MBTPS1: variants seen among roughly 807,000 people sequenced by gnomAD.
The protein encoded by MBTPS1 is membrane-bound transcription factor site-1 protease.
A neutral mutation model predicts 127.8 loss-of-function variants in MBTPS1; 94 were observed. That is an observed-to-expected ratio of 0.74 (90% CI 0.62 to 0.87). MBTPS1 has a LOEUF of 0.87. MBTPS1 is among the 40% of genes least tolerant of loss of function. MBTPS1 has a pLI of 0.00. For synonymous variants in MBTPS1, 632 were observed against 509.4 expected (o/e 1.24, Z -3.24); for missense variants, 1,636 against 1,353.2 (o/e 1.21, Z -3.28).
chr16:84,097,837 C>CGTGTGTGTGT (rs71382894), intron 3 of MBTPS1, among the ~76,000 whole-genome samples: 2,032 of 143,084 alleles, frequency 0.014, 33 homozygotes, highest in African/African-American at 0.047. Flanking sequence ...AACTTCTCTT[C>CGTGTGTGTGT]GTGTGTGTGT....
Position 84,093,313 on chromosome 16 carries a change from A to T in MBTPS1, c.737-16T>A. On this transcript the variant is annotated splice_polypyrimidine_tract_variant and intron_variant, in intron 5 of 22. Transcript: ENST00000343411. ...TGGCCCAACCCTGCAGTCCATAAAG[A>T]AAACAATCCCATAAAACACACTGAA... is the stretch of plus-strand genomic sequence containing the variant. The T allele has an allele frequency of 6.5e-7, 1 of 1,539,624 alleles. No individual in the cohort carries two copies. Among genetic ancestry groups the T allele is most frequent in the Non-Finnish European group, 9.0e-7 (1 of 1,111,978 alleles).
chr16:84,085,577 C>CA (rs909051455), intron 9 of MBTPS1, among the ~76,000 whole-genome samples: 4 of 99,786 alleles, frequency 4.0e-5, no homozygotes, highest in Non-Finnish European at 6.7e-5. Flanking sequence ...ACCCGCCCCC[C>CA]CCCCAAAAAA....
At chr16:84,076,149 C>A (rs932931058) in intron 11 of MBTPS1, among the ~76,000 whole-genome samples, 31 of 151,994 alleles carry the variant, frequency 2.0e-4, no homozygotes, top group African/African-American at 7.5e-4. Context: ...TATCATAAAC[C>A]ATATATATTA....
At position 84,097,843 on chromosome 16, in the gene MBTPS1, T is replaced by C. The variant is rs989869869; in HGVS notation, c.421+1210A>G. On this transcript the variant is annotated intron_variant, in intron 3 of 22. Transcript: ENST00000343411. The stretch of plus-strand genomic sequence containing the variant: ...TGAAAATTAAACTTCTCTTCGTGTG[T>C]GTGTGTGTGTGTGTGTGTGTGTGTG... Among the ~76,000 whole-genome samples, 14 of 150,398 alleles carry C rather than the reference T, an allele frequency of 9.3e-5. No individual in the cohort carries two copies. The East Asian group carries it at 2.7e-3, about 29-fold the overall frequency.
chr16:84,075,763 G>C (rs1268009258), intron 11 of MBTPS1: 1 of 152,206 alleles, frequency 6.6e-6, no homozygotes, highest in Non-Finnish European at 1.5e-5. Flanking sequence ...GGGATACTGT[G>C]ACTTTCACAG....
intron 9 of MBTPS1, among the ~76,000 whole-genome samples, chr16:84,085,367 G>A (rs1053303026): frequency 6.6e-6 from 1 of 152,140 alleles, no homozygotes; most frequent in Admixed American, 6.5e-5. Flanking sequence ...AGGAGTTCCA[G>A]ACTAGCCTGG....
chr16:84,079,412 G>C (rs2085906667), intron 11 of MBTPS1, among the ~76,000 whole-genome samples: 1 of 152,064 alleles, frequency 6.6e-6, no homozygotes, highest in African/African-American at 2.4e-5. Context: ...ATCTAAAAAG[G>C]AATACAAACA....
chr16:84,076,760 A>G (rs542534834), intron 11 of MBTPS1, among the ~76,000 whole-genome samples: 1 of 152,246 alleles, frequency 6.6e-6, no homozygotes, highest in Non-Finnish European at 1.5e-5. Context: ...GACACACAAG[A>G]GCAAATGGAA....
At chr16:84,059,972 T>C (rs1185214742) in intron 20 of MBTPS1, 1 of 144,482 alleles carries the variant, frequency 6.9e-6, no homozygotes, top group Non-Finnish European at 1.6e-5. Flanking sequence ...AATAGTTTCA[T>C]CTGTGTTTCT....
intron 19 of MBTPS1, 116 bp downstream of exon 19, chr16:84,063,189 G>C (rs2085638386): frequency 5.5e-6 from 6 of 1,091,608 alleles, no homozygotes; most frequent in Non-Finnish European, 8.0e-6. Flanking sequence ...GCTGAGCCTG[G>C]CTCAAGTGAA....
chr16:84,079,029 C>A (rs891499115), intron 11 of MBTPS1, among the ~76,000 whole-genome samples: 1 of 152,148 alleles, frequency 6.6e-6, no homozygotes, highest in Admixed American at 6.5e-5. Flanking sequence ...TGGGGGAGAC[C>A]CCTCATGGGT....
At chr16:84,075,592 G>A (rs2085844059) in intron 11 of MBTPS1, 1 of 152,282 alleles carries the variant, frequency 6.6e-6, no homozygotes, top group Admixed American at 6.5e-5. Flanking sequence ...ACGTGCAGTG[G>A]GCGGGCGGCT....
rs2280026 is a variant in MBTPS1, at chr16:84,054,421, T to C, written c.*28A>G. On this transcript the variant is annotated 3_prime_UTR_variant, in exon 23 of 23. Coordinates refer to ENST00000343411, the MANE Select transcript of MBTPS1 (RefSeq NM_003791.4). ...CAGCGCCGTCCGTGAAGGCTCTCTC[T>C]GGCCCTCACGGTCAGCCAGGCTGCC... is the stretch of plus-strand genomic sequence containing the variant. 0.072 allele frequency: 113,185 copies of C among 1,566,046 alleles called. 6,091 individuals carry two copies. Among genetic ancestry groups the C allele is most frequent in the East Asian group, 0.27 (12,094 of 44,096 alleles).
intron 9 of MBTPS1, chr16:84,086,049 G>C (rs1362194536): frequency 1.3e-5 from 2 of 152,170 alleles, no homozygotes; most frequent in Middle Eastern, 3.2e-3. Flanking sequence ...ATTAGAATAG[G>C]ATCTCATATT....
At chr16:84,100,840 G>A (rs2086243608) in intron 2 of MBTPS1, among the ~76,000 whole-genome samples, 1 of 151,920 alleles carries the variant, frequency 6.6e-6, no homozygotes, top group South Asian at 2.1e-4. Context: ...TTCATGTGCT[G>A]TGCACTCAAC....
chr16:84,104,282 A>T (rs576677691), intron 1 of MBTPS1, among the ~76,000 whole-genome samples: 6 of 152,128 alleles, frequency 3.9e-5, no homozygotes, highest in Non-Finnish European at 5.9e-5. Flanking sequence ...GAGGTTTGAG[A>T]CCAGCCTGGG....
intron 12 of MBTPS1, among the ~76,000 whole-genome samples, chr16:84,072,522 T>C (rs1396035221): frequency 6.6e-6 from 1 of 152,232 alleles, no homozygotes; most frequent in Non-Finnish European, 1.5e-5. Context: ...TCAGGCGCGA[T>C]GGCTCACACC....
Position 84,095,467 on chromosome 16 carries a change from G to C in MBTPS1, c.625+135C>G, listed in dbSNP as rs189889044. ...AACAAATAGTAAGAAGGTTAGATGTGGAAGGCTGCAGGGCTTTAGCACTAG... is the reference window on the plus strand; with the variant it reads ...AACAAATAGTAAGAAGGTTAGATGTCGAAGGCTGCAGGGCTTTAGCACTAG... On this transcript the variant is annotated intron_variant, in intron 4 of 22. Transcript: ENST00000343411. 2.9e-4 allele frequency: 251 copies of C among 860,728 alleles called. 1 individual carries two copies. In the African/African-American group the frequency reaches 3.9e-3, roughly 13 times the overall value. 53.3% of individuals were successfully genotyped at this position (860,728 alleles called of 1,614,324 possible).
intron 14 of MBTPS1, among the ~76,000 whole-genome samples, chr16:84,068,696 A>G (rs1301848978): frequency 1.3e-5 from 2 of 152,236 alleles, no homozygotes; most frequent in African/African-American, 2.4e-5. Context: ...CAAAATGACC[A>G]GAAGAAATGG....
Sources: allele counts gnomAD v4.1 joint callset (sites outside exome capture counted in the v4.1 genomes callset), GRCh38; gene constraint gnomAD v4.1.1; transcripts MANE v1.5; gene names NCBI Gene and HGNC (gene_info 2026-07-23, HGNC 2026-07-21).